The following ANKH variants were observed in gnomAD, a reference collection of about 807,000 sequenced individuals.
The protein encoded by ANKH is mineralization regulator ANKH.
Under a neutral mutation model 49.0 loss-of-function variants are expected in ANKH, and 15 were observed. The observed-to-expected ratio is 0.31, with a 90% CI of 0.20 to 0.47. ANKH has a LOEUF of 0.47. ANKH is among the 20% of genes least tolerant of loss of function. The pLI is 1.00. For missense variants in ANKH, 429 were observed against 652.0 expected (o/e 0.66, Z 3.72); for synonymous variants, 273 against 260.0 (o/e 1.05, Z -0.48).
At chr5:14,808,041 T>C (rs1350071105) in intron 1 of ANKH, among the ~76,000 whole-genome samples, 1 of 152,260 alleles carries the variant, frequency 6.6e-6, no homozygotes, top group East Asian at 1.9e-4. Flanking sequence ...TTTTCCATGC[T>C]CTGAAATCAG....
At chr5:14,721,726 C>A (rs536453743) in intron 8 of ANKH, among the ~76,000 whole-genome samples, 4 of 151,922 alleles carry the variant, frequency 2.6e-5, no homozygotes, top group South Asian at 2.1e-4. Context: ...GTCAGGAGAT[C>A]GAGACCATCC....
Position 14,719,575 on chromosome 5 carries a change from A to G in ANKH, c.1012-2740T>C, listed in dbSNP as rs544255241. On this transcript the variant is annotated intron_variant, in intron 8 of 11. Coordinates refer to ENST00000284268, the MANE Select transcript of ANKH (RefSeq NM_054027.6). ...GAAAAGCGATTTACACCACGAAGGG[A>G]AAATGTGGGAATAACTTAGTGTGAA... is the stretch of plus-strand genomic sequence containing the variant. Among the ~76,000 whole-genome samples, 4 of 152,350 alleles carry G rather than the reference A, an allele frequency of 2.6e-5. No homozygotes were observed. In the South Asian group the frequency reaches 8.3e-4, roughly 32 times the overall value.
intron 8 of ANKH, among the ~76,000 whole-genome samples, chr5:14,738,608 T>G (rs988965477): frequency 6.6e-6 from 1 of 152,116 alleles, no homozygotes; most frequent in East Asian, 1.9e-4. Context: ...ATTAATTTCC[T>G]GATATTACGA....
At chr5:14,835,589 GGCAGAT>G (rs1741628706) in intron 1 of ANKH, among the ~76,000 whole-genome samples, 1 of 152,120 alleles carries the variant, frequency 6.6e-6, no homozygotes, top group African/African-American at 2.4e-5. Flanking sequence ...GTGAGATTCT[GGCAGAT>G]GCTCCTGCTG....
intron 2 of ANKH, among the ~76,000 whole-genome samples, chr5:14,762,576 A>C (rs1739122002): frequency 6.6e-6 from 1 of 152,028 alleles, no homozygotes; most frequent in Non-Finnish European, 1.5e-5. Flanking sequence ...ACTTCCATCT[A>C]CTCTTCCCCT....
intron 1 of ANKH, among the ~76,000 whole-genome samples, chr5:14,787,227 T>C (rs1463164707): frequency 1.3e-5 from 2 of 152,026 alleles, no homozygotes; most frequent in South Asian, 2.1e-4. Context: ...GGCAGGAGAA[T>C]TGCTTGAACC....
intron 2 of ANKH, among the ~76,000 whole-genome samples, chr5:14,761,170 T>C (rs1713903235): frequency 6.6e-6 from 1 of 152,180 alleles, no homozygotes; most frequent in African/African-American, 2.4e-5. Context: ...GAGGCCTAGA[T>C]GACAGTCTTC....
At chr5:14,821,756 C>T (rs1741202488) in intron 1 of ANKH, among the ~76,000 whole-genome samples, 1 of 152,188 alleles carries the variant, frequency 6.6e-6, no homozygotes, top group South Asian at 2.1e-4. Flanking sequence ...CGCATCCCAT[C>T]CATGTGGCTA....
chr5:14,724,166 AAGT>A (rs1239063464), intron 8 of ANKH, among the ~76,000 whole-genome samples: 1 of 152,094 alleles, frequency 6.6e-6, no homozygotes, highest in African/African-American at 2.4e-5. Context: ...AAAAATACAA[AAGT>A]AGCCAGGCGT....
chr5:14,860,459 TC>T (rs1160391320), intron 1 of ANKH, among the ~76,000 whole-genome samples: 2 of 152,186 alleles, frequency 1.3e-5, no homozygotes, highest in East Asian at 3.8e-4. Context: ...GGCCTCAGCG[TC>T]CCAGCCACAG....
intron 1 of ANKH, among the ~76,000 whole-genome samples, chr5:14,856,012 T>C (rs535914807): frequency 2.1e-4 from 32 of 151,810 alleles, no homozygotes; most frequent in African/African-American, 7.7e-4. Flanking sequence ...AAAAGTCAGT[T>C]AGTCAAGAAA....
chr5:14,753,752 G>GTT (rs35882169), intron 4 of ANKH, among the ~76,000 whole-genome samples: 52,044 of 151,912 alleles, frequency 0.34, 11,143 homozygotes, highest in African/African-American at 0.61. Flanking sequence ...AAACCAAGAG[G>GTT]TTTTTGTATT....
rs1489866212 is a variant in ANKH, at chr5:14,775,201, G to A, written c.97-6010C>T. ...AGCCTCCTGAGTGGCTGGGACTACA[G>A]GTGTGCACCATCACATTTGGTTAAT... On this transcript the variant is annotated intron_variant, in intron 1 of 11. Coordinates refer to ENST00000284268, the MANE Select transcript of ANKH (RefSeq NM_054027.6). 4.6e-5 allele frequency among the ~76,000 whole-genome samples: 7 copies of A among 151,960 alleles called. No individual in the cohort carries two copies. In the East Asian group the frequency reaches 1.3e-3, roughly 29 times the overall value.
Position 14,713,717 on chromosome 5 carries a change from C to T in ANKH, c.1142-50G>A, listed in dbSNP as rs1737330806. The T allele has an allele frequency of 6.2e-7, 1 of 1,611,684 alleles. No individual in the cohort carries two copies. The highest frequency in any genetic ancestry group is 8.5e-7 in the Non-Finnish European group (1 of 1,179,730). On this transcript the variant is annotated intron_variant, in intron 9 of 11. Transcript: ENST00000284268. The surrounding 1 kb of genome is among the most constrained non-coding windows in gnomAD (Gnocchi z 4.4). ...TCAGCCGTGCCCGCCATCCACTCCC[C>T]ATCCTGCTGCCTCTGGACCAGGGCA...
chr5:14,791,118 T>C (rs576579909), intron 1 of ANKH, among the ~76,000 whole-genome samples: 1 of 152,326 alleles, frequency 6.6e-6, no homozygotes, highest in South Asian at 2.1e-4. Context: ...ATTGGGACTT[T>C]GGCCTCTAAA....
intron 1 of ANKH, among the ~76,000 whole-genome samples, chr5:14,857,147 G>A (rs558641603): frequency 6.6e-6 from 1 of 152,082 alleles, no homozygotes; most frequent in Admixed American, 6.5e-5. Flanking sequence ...AAGGTACCAG[G>A]CATTTTGCCT....
At chr5:14,832,957 C>T (rs1439899117) in intron 1 of ANKH, among the ~76,000 whole-genome samples, 2 of 152,220 alleles carry the variant, frequency 1.3e-5, no homozygotes, top group Non-Finnish European at 2.9e-5. Flanking sequence ...TAAAAAGTAG[C>T]TAGTCACAAC....
At chr5:14,809,868 G>A (rs1740825623) in intron 1 of ANKH, among the ~76,000 whole-genome samples, 2 of 151,928 alleles carry the variant, frequency 1.3e-5, no homozygotes, top group South Asian at 2.1e-4. Context: ...ACCCTAGAGC[G>A]TGCACTGGGC....
chr5:14,717,447 T>C (rs1258260782), intron 8 of ANKH, among the ~76,000 whole-genome samples: 1 of 152,194 alleles, frequency 6.6e-6, no homozygotes, highest in Non-Finnish European at 1.5e-5. Flanking sequence ...AAAGGGAATC[T>C]TGAACCCGAT....
Sources: allele counts gnomAD v4.1 joint callset (sites outside exome capture counted in the v4.1 genomes callset), GRCh38; gene constraint gnomAD v4.1.1; non-coding constraint Gnocchi (gnomAD v3.1); transcripts MANE v1.5; gene names NCBI Gene and HGNC (gene_info 2026-07-23, HGNC 2026-07-21).